The following ACTR3C variants were observed in gnomAD, a reference collection of about 807,000 sequenced individuals.
ACTR3C encodes the protein actin related protein 3C, also known as actin-related protein 3C.
ACTR3C carries 18 observed loss-of-function variants against 26.3 expected under a neutral mutation model. The ratio of observed to expected loss-of-function variants is 0.68; its 90% CI spans 0.47 to 1.01. The LOEUF (loss-of-function observed/expected upper bound fraction) is 1.01, where lower values mean the gene tolerates loss of function less well. Ranked by LOEUF, ACTR3C falls within the 50% of genes least tolerant of loss-of-function variation. The pLI is 0.00. For missense variants in ACTR3C, 184 were observed against 250.7 expected, an observed-to-expected ratio of 0.73 and a Z score of 1.80; for synonymous variants, 55 against 94.5, an observed-to-expected ratio of 0.58 and a Z score of 2.42.
At chr7:150,185,287 G>A in the ACTR3C span, among the ~76,000 whole-genome samples, 27 of 140,830 alleles carry the variant, frequency 1.9e-4, no homozygotes, top group East Asian at 5.2e-3. Flanking sequence ...GTGTGTGTGT[G>A]TGTGTGTGTG....
the ACTR3C span, among the ~76,000 whole-genome samples, chr7:150,170,664 C>T: frequency 6.7e-6 from 1 of 149,924 alleles, no homozygotes; most frequent in Admixed American, 6.6e-5. Context: ...GGCATAGTCC[C>T]AGGGACCCAC....
At chr7:150,095,370 C>G in the ACTR3C span, among the ~76,000 whole-genome samples, 1 of 150,566 alleles carries the variant, frequency 6.6e-6, no homozygotes, top group Non-Finnish European at 1.5e-5. Context: ...CGGGGAAGCC[C>G]TGGATAGGAC....
At chr7:149,998,177 A>G in the ACTR3C span, among the ~76,000 whole-genome samples, 1 of 151,102 alleles carries the variant, frequency 6.6e-6, no homozygotes, top group Non-Finnish European at 1.5e-5. Flanking sequence ...AGCAGAGCCA[A>G]TCCCTGGAGC....
chr7:150,213,730 G>C, the ACTR3C span, among the ~76,000 whole-genome samples: 1 of 150,820 alleles, frequency 6.6e-6, no homozygotes, highest in African/African-American at 2.4e-5. Flanking sequence ...AGTAGGTTTT[G>C]CTTCTTATGA....
chr7:150,091,778 C>A, the ACTR3C span, among the ~76,000 whole-genome samples: 22 of 148,126 alleles, frequency 1.5e-4, no homozygotes, highest in Admixed American at 4.0e-4. Context: ...GTCAGGAGAT[C>A]GAGACCATCC....
chr7:149,903,629 TCTC>T, the ACTR3C span, among the ~76,000 whole-genome samples: 1 of 151,402 alleles, frequency 6.6e-6, no homozygotes, highest in Non-Finnish European at 1.5e-5. Context: ...CCAGCCTCGA[TCTC>T]CTGGGCTCAA....
the ACTR3C span, among the ~76,000 whole-genome samples, chr7:150,038,884 G>A: frequency 9.4e-6 from 1 of 106,014 alleles, no homozygotes; most frequent in Non-Finnish European, 2.2e-5. Flanking sequence ...CCTCGCGGGG[G>A]GTGCCTCCCC....
the ACTR3C span, among the ~76,000 whole-genome samples, chr7:150,023,695 G>A: frequency 6.7e-6 from 1 of 149,356 alleles, no homozygotes. Flanking sequence ...TCTGGATCTT[G>A]GCCTTTACAC....
At chr7:149,951,307 A>G in the ACTR3C span, among the ~76,000 whole-genome samples, 1 of 141,442 alleles carries the variant, frequency 7.1e-6, no homozygotes, top group Non-Finnish European at 1.5e-5. Flanking sequence ...CTCCATTTCA[A>G]TGTGACAAAA....
chr7:149,922,931 G>A, the ACTR3C span, among the ~76,000 whole-genome samples: 6 of 109,192 alleles, frequency 5.5e-5, no homozygotes, highest in Non-Finnish European at 7.4e-5. Flanking sequence ...AAATAAATTT[G>A]TTGACTACTA....
chr7:150,132,076 T>C, the ACTR3C span, among the ~76,000 whole-genome samples: 5 of 152,140 alleles, frequency 3.3e-5, no homozygotes, highest in African/African-American at 9.7e-5. Context: ...GGGTCAGGCA[T>C]TGAAGTTTTA....
the ACTR3C span, among the ~76,000 whole-genome samples, chr7:150,106,808 G>T: frequency 6.9e-6 from 1 of 144,998 alleles, no homozygotes; most frequent in Non-Finnish European, 1.5e-5. Context: ...CAGAATTGGG[G>T]CATACAGGTG....
the ACTR3C span, among the ~76,000 whole-genome samples, chr7:150,168,822 C>T: frequency 1.3e-5 from 2 of 150,776 alleles, no homozygotes; most frequent in African/African-American, 5.0e-5. Flanking sequence ...TGCCTGAGGA[C>T]CGGGCAGTGG....
chr7:150,238,261 C>T, the ACTR3C span, among the ~76,000 whole-genome samples: 1 of 133,054 alleles, frequency 7.5e-6, no homozygotes, highest in South Asian at 2.4e-4. Context: ...GAGATCCAGG[C>T]AGCAGTAGGA....
chr7:150,286,623 G>A, intron 4 of ACTR3C, 83 bp from the exon 5 acceptor site: 26 of 1,567,814 alleles, frequency 1.7e-5, no homozygotes, highest in Middle Eastern at 2.1e-4. Context: ...GGAAGCCCAT[G>A]CAGTAAACAC....
the ACTR3C span, among the ~76,000 whole-genome samples, chr7:150,137,310 C>T: frequency 1.8e-4 from 28 of 152,286 alleles, 1 homozygote; most frequent in East Asian, 5.0e-3. Flanking sequence ...CAGGTTTTCT[C>T]GGGTTTTTTA....
chr7:149,888,782 T>C, the ACTR3C span, among the ~76,000 whole-genome samples: 1 of 152,002 alleles, frequency 6.6e-6, no homozygotes, highest in Non-Finnish European at 1.5e-5. Context: ...CCAAGGCGGG[T>C]GGATCACCTG....
the ACTR3C span, among the ~76,000 whole-genome samples, chr7:150,145,070 TC>T: frequency 6.7e-6 from 1 of 149,244 alleles, no homozygotes; most frequent in African/African-American, 2.5e-5. Flanking sequence ...AAAAAAAGAT[TC>T]CCCCCCTTTC....
chr7:149,943,486 G>A, the ACTR3C span, among the ~76,000 whole-genome samples: 1 of 150,986 alleles, frequency 6.6e-6, no homozygotes, highest in African/African-American at 2.5e-5. Flanking sequence ...CAGCATATTG[G>A]GAGGCCGAGG....
Sources: allele counts gnomAD v4.1 joint callset (sites outside exome capture counted in the v4.1 genomes callset), GRCh38; gene constraint gnomAD v4.1.1; transcripts MANE v1.5; gene names NCBI Gene and HGNC (gene_info 2026-07-23, HGNC 2026-07-21).